Variants in POGZ observed in about 807,000 individuals in gnomAD.
POGZ encodes pogo transposable element derived with ZNF domain.
A neutral mutation model predicts 134.6 loss-of-function variants in POGZ; 17 were observed. The observed-to-expected ratio is 0.13, with a 90% confidence interval of 0.09 to 0.19. The LOEUF (loss-of-function observed/expected upper bound fraction) is 0.19. Among genes scored for constraint, POGZ ranks in the 10% least tolerant of loss-of-function variants. The probability of loss-of-function intolerance (pLI) is 1.00; values close to 1 mark genes in which losing one functional copy is unlikely to be tolerated. For missense variants in POGZ, 1,306 were observed against 1,769.7 expected (o/e 0.74, Z 4.70); for synonymous variants, 693 against 657.1 (o/e 1.05, Z -0.84).
rs143626108 is a variant in POGZ at position 151,406,365 on chromosome 1, C to T, written c.2670G>A (p.Ala890=). The T allele has an allele frequency of 1.0e-5, 16 of 1,591,326 alleles. No homozygotes were observed. Among genetic ancestry groups the T allele is most frequent in the Admixed American group, 3.6e-5 (2 of 56,294 alleles). ...PTNKAATVKS[A]GATPAEPEEL... ...CTTCAGGCTCAGCTGGGGTGGCCCCCGCAGATTTCACAGTGGCAGCTTTGT... is the reference window on the plus strand; with the variant it reads ...CTTCAGGCTCAGCTGGGGTGGCCCCTGCAGATTTCACAGTGGCAGCTTTGT... The change falls in exon 19 of 19, where the codon GCG becomes GCA. Residue 890 remains alanine, a synonymous_variant. Transcript: ENST00000271715.
At chr1:151,426,851 T>G (rs1657873375) in intron 7 of POGZ, 1 of 152,172 alleles carries the variant, frequency 6.6e-6, no homozygotes, top group Non-Finnish European at 1.5e-5. Context: ...TTGTATTTAT[T>G]GTAAGGTAAG....
intron 10 of POGZ, among the ~76,000 whole-genome samples, chr1:151,413,704 G>C (rs1023684135): frequency 3.4e-5 from 5 of 149,210 alleles, no homozygotes; most frequent in East Asian, 2.0e-4. Context: ...TTTTGAGACA[G>C]AGTCTCGTTC....
intron 1 of POGZ, among the ~76,000 whole-genome samples, chr1:151,457,914 T>G: frequency 7.4e-6 from 1 of 135,992 alleles, no homozygotes; most frequent in Non-Finnish European, 1.6e-5. Context: ...GCGACAAGAG[T>G]GAAACTTCGT....
chr1:151,408,975 C>T, intron 12 of POGZ, 147 bp from the exon 13 acceptor site: 1 of 701,192 alleles, frequency 1.4e-6, no homozygotes, highest in Non-Finnish European at 2.4e-6. Context: ...AAGAAATATG[C>T]AACATGACCA....
At chr1:151,412,697 T>C (rs915283387) in intron 10 of POGZ, among the ~76,000 whole-genome samples, 1 of 152,174 alleles carries the variant, frequency 6.6e-6, no homozygotes, top group Non-Finnish European at 1.5e-5. Flanking sequence ...TACCACTGTT[T>C]CCCTTTTTCC....
At chr1:151,417,688 C>CCCCACACA (rs1491166806) in intron 10 of POGZ, among the ~76,000 whole-genome samples, 17 of 137,464 alleles carry the variant, frequency 1.2e-4, no homozygotes, top group African/African-American at 4.7e-4. Flanking sequence ...GGTACTGTGG[C>CCCCACACA]CACACACACA....
At chr1:151,419,935 G>A (rs1380090973) in intron 10 of POGZ, among the ~76,000 whole-genome samples, 2 of 151,844 alleles carry the variant, frequency 1.3e-5, no homozygotes, top group Admixed American at 1.3e-4. Context: ...GTGGAACTTC[G>A]GAATAACAAA....
intron 17 of POGZ, 38 bp downstream of exon 17, chr1:151,406,873 C>T: frequency 1.3e-6 from 2 of 1,481,678 alleles, no homozygotes; most frequent in Non-Finnish European, 1.9e-6. Flanking sequence ...ATCTTTTTTC[C>T]TCCCCTTGCT....
intron 10 of POGZ, among the ~76,000 whole-genome samples, chr1:151,412,779 T>C (rs952554033): frequency 2.0e-5 from 3 of 152,168 alleles, no homozygotes; most frequent in Non-Finnish European, 4.4e-5. Flanking sequence ...CTGTCACCAT[T>C]ATTTCAAACT....
At chr1:151,418,566 ATAGC>A (rs1656209746) in intron 10 of POGZ, among the ~76,000 whole-genome samples, 1 of 152,200 alleles carries the variant, frequency 6.6e-6, no homozygotes, top group Admixed American at 6.5e-5. Flanking sequence ...AAATTTTAAA[ATAGC>A]TAGAAGAGAA....
chr1:151,411,536 A>G, intron 12 of POGZ, 89 bp downstream of exon 12: 1 of 895,658 alleles, frequency 1.1e-6, no homozygotes, highest in Non-Finnish European at 1.7e-6. Context: ...CTCTGCCCAA[A>G]TTATTTGCCT....
intron 3 of POGZ, among the ~76,000 whole-genome samples, chr1:151,433,478 C>T (rs1427421788): frequency 6.6e-6 from 1 of 151,802 alleles, no homozygotes; most frequent in Admixed American, 6.6e-5. Flanking sequence ...CGTAGTGGCG[C>T]ATGCCTGTAA....
intron 1 of POGZ, among the ~76,000 whole-genome samples, chr1:151,444,749 T>C (rs1307511179): frequency 6.6e-6 from 1 of 152,232 alleles, no homozygotes; most frequent in African/African-American, 2.4e-5. Context: ...CTTTATTTTA[T>C]AAAGCAATGA....
intron 3 of POGZ, 133 bp downstream of exon 3, chr1:151,440,795 C>A (rs1660407044): frequency 1.5e-6 from 1 of 681,624 alleles, no homozygotes; most frequent in South Asian, 2.2e-5. Context: ...ATCAGAGAAT[C>A]ATTACTAAAT....
At chr1:151,420,546 C>T (rs1406686930) in intron 10 of POGZ, among the ~76,000 whole-genome samples, 1 of 152,090 alleles carries the variant, frequency 6.6e-6, no homozygotes, top group Admixed American at 6.5e-5. Flanking sequence ...AACTCCTAAG[C>T]TCAATCTGCC....
At chr1:151,451,814 C>T (rs116622940) in intron 1 of POGZ, among the ~76,000 whole-genome samples, 3,528 of 151,168 alleles carry the variant, frequency 0.023, 140 homozygotes, top group African/African-American at 0.08. Flanking sequence ...TGTCAATGTT[C>T]GGCTGGACGC....
intron 3 of POGZ, among the ~76,000 whole-genome samples, chr1:151,435,099 C>T (rs982014142): frequency 6.6e-6 from 1 of 152,104 alleles, no homozygotes; most frequent in Non-Finnish European, 1.5e-5. Context: ...CAGGGTTTCA[C>T]TATTTGGCCA....
chr1:151,439,495 G>A (rs192509549), intron 3 of POGZ, among the ~76,000 whole-genome samples: 12 of 152,244 alleles, frequency 7.9e-5, no homozygotes. Flanking sequence ...AGGACAACTT[G>A]ACAACGTCTA....
chr1:151,441,222 C>A, intron 2 of POGZ, 136 bp from the exon 3 acceptor site: 1 of 600,008 alleles, frequency 1.7e-6, no homozygotes, highest in Non-Finnish European at 2.9e-6. Flanking sequence ...TCCAACTGTT[C>A]ATGTGATTTC....
Sources: allele counts gnomAD v4.1 joint callset (sites outside exome capture counted in the v4.1 genomes callset), GRCh38; gene constraint gnomAD v4.1.1; transcripts MANE v1.5; gene names NCBI Gene and HGNC (gene_info 2026-07-23, HGNC 2026-07-21).